Variants in EYA1 observed in about 807,000 individuals in gnomAD.
EYA1 encodes protein phosphatase EYA1.
In EYA1, 16 loss-of-function variants were observed where a neutral mutation model predicts 82.0. The observed-to-expected ratio is 0.20, with a 90% CI of 0.13 to 0.30. The LOEUF (loss-of-function observed/expected upper bound fraction) is 0.30. Among genes scored for constraint, EYA1 ranks in the 10% least tolerant of loss-of-function variants. EYA1 has a pLI of 1.00. For missense variants in EYA1, 633 were observed against 730.7 expected (o/e 0.87, Z 1.54); for synonymous variants, 261 against 264.4 (o/e 0.99, Z 0.12).
chr8:71,219,929 G>C (rs571386936), intron 12 of EYA1, among the ~76,000 whole-genome samples: 1 of 152,056 alleles, frequency 6.6e-6, no homozygotes, highest in Admixed American at 6.6e-5. Context: ...TTGCCTTCTG[G>C]ACTAGGTTGT....
At chr8:71,492,468 AT>A (rs748896646) in intron 2 of EYA1, among the ~76,000 whole-genome samples, 409 of 137,954 alleles carry the variant, frequency 3.0e-3, no homozygotes, top group Middle Eastern at 0.011. Flanking sequence ...ATTTATTATT[AT>A]TTTTTTTTTT....
chr8:71,414,110 T>C (rs904656821), intron 2 of EYA1, among the ~76,000 whole-genome samples: 8 of 152,210 alleles, frequency 5.3e-5, no homozygotes, highest in Admixed American at 1.3e-4. Flanking sequence ...TACATAGTTA[T>C]CCTGAGTAGG....
chr8:71,489,323 A>G (rs1586818487), intron 2 of EYA1, among the ~76,000 whole-genome samples: 1 of 151,094 alleles, frequency 6.6e-6, no homozygotes, highest in Non-Finnish European at 1.5e-5. Context: ...TTTTCCTACC[A>G]TAGTTTCTTT....
chr8:71,368,917 G>A (rs745687963), intron 2 of EYA1, among the ~76,000 whole-genome samples: 3 of 151,762 alleles, frequency 2.0e-5, no homozygotes, highest in South Asian at 2.1e-4. Context: ...GGCCGGGCGC[G>A]GTGGCTCACC....
intron 1 of EYA1, among the ~76,000 whole-genome samples, chr8:71,542,127 C>A (rs1815185991): frequency 6.6e-6 from 1 of 152,080 alleles, no homozygotes; most frequent in Admixed American, 6.5e-5. Flanking sequence ...ATAGGTAAAT[C>A]TGTGTCATGG....
intron 6 of EYA1, among the ~76,000 whole-genome samples, chr8:71,319,543 A>G (rs140443312): frequency 6.6e-6 from 1 of 152,296 alleles, no homozygotes; most frequent in Non-Finnish European, 1.5e-5. Flanking sequence ...AGCCACACCT[A>G]TCTCTGTGAC....
chr8:71,290,060 A>G (rs1003075583), intron 9 of EYA1, among the ~76,000 whole-genome samples: 3 of 152,204 alleles, frequency 2.0e-5, no homozygotes, highest in Non-Finnish European at 4.4e-5. Context: ...AAACACATCT[A>G]TGCCTTTATA....
Position 71,322,235 on chromosome 8 carries a change from G to C in EYA1, c.236C>G (p.Thr79Ser). The change falls in exon 5 of 18, where the codon ACT (threonine) becomes AGT (serine). Residue 79 changes from threonine to serine, a missense_variant. Transcript: ENST00000340726. ...AATCTGTGGTGGAGAGAACTGGTGA[G>C]TTGGTCGTGGGCTGAAACTACTGCT... is the stretch of plus-strand genomic sequence containing the variant. ...IGSSSFSPRP[T>S]HQFSPPQIYP... 1 of 1,614,064 alleles carries C rather than the reference G, an allele frequency of 6.2e-7. No individual in the cohort carries two copies. Among genetic ancestry groups the C allele is most frequent in the Non-Finnish European group, 8.5e-7 (1 of 1,179,950 alleles).
intron 9 of EYA1, among the ~76,000 whole-genome samples, chr8:71,275,196 G>A (rs148559626): frequency 9.6e-4 from 146 of 152,094 alleles, no homozygotes; most frequent in African/African-American, 3.3e-3. Context: ...TGCAGGTGCC[G>A]GGCATAAGGA....
intron 1 of EYA1, among the ~76,000 whole-genome samples, chr8:71,543,132 G>A (rs1381441770): frequency 2.6e-5 from 4 of 152,116 alleles, no homozygotes; most frequent in Non-Finnish European, 5.9e-5. Context: ...GTCCAGAATG[G>A]TGTTGCCTAG....
intron 2 of EYA1, among the ~76,000 whole-genome samples, chr8:71,384,545 A>C (rs1828875716): frequency 6.6e-6 from 1 of 152,316 alleles, no homozygotes; most frequent in South Asian, 2.1e-4. Context: ...CAGATACTCC[A>C]TCTCCTCGAT....
At position 71,354,795 on chromosome 8, in the gene EYA1, G is replaced by T; in HGVS notation, c.111C>A (p.Pro37=). The T allele has an allele frequency of 1.2e-6, 2 of 1,613,268 alleles. No homozygotes were observed. Among genetic ancestry groups the T allele is most frequent in the South Asian group, 2.2e-5 (2 of 91,046 alleles). The change falls in exon 3 of 18, where the codon CCC becomes CCA. Residue 37 remains proline, a synonymous_variant. Transcript: ENST00000340726. ...GCAGACACTCACCTTCGGTGCCATT[G>T]GGAGTCATGGAATTACTATTTATAT... ...NSHINSNSMT[P]NGTEVKTEPM...
At position 71,198,426 on chromosome 8, in the gene EYA1, G is replaced by A. The variant is rs1806510448; in HGVS notation, c.*914C>T. The A allele has an allele frequency of 6.6e-6, 1 of 151,894 alleles. No homozygotes were observed. Among genetic ancestry groups the A allele is most frequent in the Admixed American group, 6.6e-5 (1 of 15,216 alleles). The allele number at this position is 151,894 out of a possible 1,614,324, so 9.4% of individuals were successfully genotyped here. Reference sequence around the variant, plus strand: ...ACTTGACATCCATGCTTTTGGTCTTGACAACATTATCTAAAAAAAAAAAAT... The same window carrying A: ...ACTTGACATCCATGCTTTTGGTCTTAACAACATTATCTAAAAAAAAAAAAT... On this transcript the variant is annotated 3_prime_UTR_variant, in exon 18 of 18. Coordinates refer to ENST00000340726, the MANE Select transcript of EYA1 (RefSeq NM_000503.6).
chr8:71,370,863 G>A (rs1053608549), intron 2 of EYA1, among the ~76,000 whole-genome samples: 4 of 151,880 alleles, frequency 2.6e-5, no homozygotes, highest in Admixed American at 6.6e-5. Context: ...GAGCTCAAGC[G>A]ATGCTCCCAC....
At chr8:71,243,567 G>C (rs1420343788) in intron 12 of EYA1, among the ~76,000 whole-genome samples, 1 of 152,184 alleles carries the variant, frequency 6.6e-6, no homozygotes, top group African/African-American at 2.4e-5. Context: ...TGCACTGGAA[G>C]TTGCCAATTC....
At chr8:71,518,470 T>G (rs1563696398) in intron 2 of EYA1, among the ~76,000 whole-genome samples, 1 of 152,114 alleles carries the variant, frequency 6.6e-6, no homozygotes, top group Non-Finnish European at 1.5e-5. Flanking sequence ...TGCTATTTTC[T>G]GTCTGTCATG....
chr8:71,380,897 A>T (rs1191054870), intron 2 of EYA1, among the ~76,000 whole-genome samples: 1 of 152,164 alleles, frequency 6.6e-6, no homozygotes, highest in African/African-American at 2.4e-5. Context: ...TCCTGTCCTC[A>T]ACCTCTGAGG....
chr8:71,301,914 T>G (rs934852402), intron 7 of EYA1, among the ~76,000 whole-genome samples: 3 of 143,470 alleles, frequency 2.1e-5, no homozygotes, highest in Non-Finnish European at 4.5e-5. Flanking sequence ...CCAGTTTTTG[T>G]TTTTTTTTTA....
chr8:71,402,152 GATGCACCAA>G (rs568941271), intron 2 of EYA1, among the ~76,000 whole-genome samples: 1 of 152,322 alleles, frequency 6.6e-6, no homozygotes, highest in Non-Finnish European at 1.5e-5. Flanking sequence ...TTGAGAACCA[GATGCACCAA>G]ATGGGCAGGT....
Sources: gnomAD v4.1 joint callset for allele counts (sites outside exome capture counted in the v4.1 genomes callset) on GRCh38, gnomAD v4.1.1 for gene constraint, MANE v1.5 for transcripts, NCBI Gene and HGNC (gene_info 2026-07-23, HGNC 2026-07-21) for gene names.